Variants in CDH8 observed in about 807,000 individuals in gnomAD.
The protein encoded by CDH8 is cadherin 8.
Under a neutral mutation model 68.1 loss-of-function variants are expected in CDH8, and 17 were observed. The observed-to-expected ratio is 0.25, with a 90% CI of 0.17 to 0.37. CDH8 has a LOEUF of 0.37. Among genes scored for constraint, CDH8 ranks in the 10% least tolerant of loss-of-function variants. CDH8 has a pLI of 1.00. For synonymous variants in CDH8, 372 were observed against 365.1 expected, an observed-to-expected ratio of 1.02 and a Z score of -0.21; for missense variants, 763 against 999.3, an observed-to-expected ratio of 0.76 and a Z score of 3.19.
In CDH8 at chr16:62,021,445, TA is replaced by T; in HGVS notation, c.-43del. The stretch of plus-strand genomic sequence containing the variant: ...CAAATCACCACGAAAATGAGACAAT[TA>T]TTTTTTTTGTCTCCGGTCTGCAGCC... On this transcript the variant is annotated 5_prime_UTR_variant, in exon 2 of 12. An upstream open reading frame in the 5' UTR loses its in-frame stop. Coordinates refer to ENST00000577390, the MANE Select transcript of CDH8 (RefSeq NM_001796.5). 5.1e-6 allele frequency: 8 copies of T among 1,566,364 alleles called. No individual in the cohort carries two copies. Among genetic ancestry groups the T allele is most frequent in the African/African-American group, 1.4e-5 (1 of 73,328 alleles).
At chr16:61,874,378 T>C (rs777421016) in intron 3 of CDH8, among the ~76,000 whole-genome samples, 6 of 151,922 alleles carry the variant, frequency 3.9e-5, no homozygotes, top group Non-Finnish European at 8.8e-5. Context: ...ATCACCCAGG[T>C]TGGAGTGCAG....
intron 9 of CDH8, among the ~76,000 whole-genome samples, chr16:61,719,782 C>T (rs1959203311): frequency 6.6e-6 from 1 of 150,784 alleles, no homozygotes; most frequent in African/African-American, 2.4e-5. Flanking sequence ...ATTTTTCCAA[C>T]TGGGTCCCAT....
intron 8 of CDH8, among the ~76,000 whole-genome samples, chr16:61,734,252 G>A (rs957286116): frequency 6.6e-6 from 1 of 152,060 alleles, no homozygotes; most frequent in African/African-American, 2.4e-5. Context: ...TTGAACATTC[G>A]CAGTTGGAGT....
chr16:61,747,480 ACCC>A (rs1960052015), intron 8 of CDH8, among the ~76,000 whole-genome samples: 2 of 152,062 alleles, frequency 1.3e-5, no homozygotes, highest in Non-Finnish European at 2.9e-5. Flanking sequence ...CTAATCTTGG[ACCC>A]AGTATATCCA....
At chr16:62,015,725 G>A (rs1465212290) in intron 2 of CDH8, among the ~76,000 whole-genome samples, 1 of 152,006 alleles carries the variant, frequency 6.6e-6, no homozygotes. Flanking sequence ...AGGTAATTTG[G>A]TCATGAGGGT....
chr16:61,691,537 T>C (rs1964222774), intron 10 of CDH8, among the ~76,000 whole-genome samples: 1 of 151,966 alleles, frequency 6.6e-6, no homozygotes, highest in African/African-American at 2.4e-5. Context: ...TTGTGCCCTT[T>C]GAGAACCTCG....
At chr16:61,731,208 A>C (rs1233112182) in intron 8 of CDH8, among the ~76,000 whole-genome samples, 1 of 151,748 alleles carries the variant, frequency 6.6e-6, no homozygotes, top group Non-Finnish European at 1.5e-5. Context: ...GTTGCTATGA[A>C]AGACAAATGA....
At chr16:61,945,230 G>T (rs1220061345) in intron 2 of CDH8, among the ~76,000 whole-genome samples, 1 of 152,108 alleles carries the variant, frequency 6.6e-6, no homozygotes, top group Admixed American at 6.5e-5. Flanking sequence ...CCATACAACA[G>T]GGTCATTGTG....
chr16:61,827,348 T>C (rs1467895470), intron 4 of CDH8, among the ~76,000 whole-genome samples: 1 of 151,908 alleles, frequency 6.6e-6, no homozygotes, highest in Non-Finnish European at 1.5e-5. Flanking sequence ...AGCAAAATAA[T>C]GTTGTTCTCC....
chr16:61,870,174 T>C (rs1341788654), intron 3 of CDH8, among the ~76,000 whole-genome samples: 1 of 152,196 alleles, frequency 6.6e-6, no homozygotes, highest in Non-Finnish European at 1.5e-5. Context: ...CATCTTGTTT[T>C]TATCACAAAT....
intron 7 of CDH8, among the ~76,000 whole-genome samples, chr16:61,795,414 G>A (rs1352346623): frequency 6.6e-6 from 1 of 151,956 alleles, no homozygotes; most frequent in African/African-American, 2.4e-5. Flanking sequence ...ATCTCACCTG[G>A]GGGAATAACA....
At chr16:61,780,017 C>T (rs1439686198) in intron 8 of CDH8, among the ~76,000 whole-genome samples, 1 of 152,194 alleles carries the variant, frequency 6.6e-6, no homozygotes, top group African/African-American at 2.4e-5. Context: ...TCCTTGCCCT[C>T]TGTGAAATTT....
intron 3 of CDH8, among the ~76,000 whole-genome samples, chr16:61,892,763 T>C (rs1963800006): frequency 6.6e-6 from 1 of 152,014 alleles, no homozygotes; most frequent in Admixed American, 6.6e-5. Context: ...AGTAGATAAA[T>C]ACTTGTGGGG....
Position 61,780,934 on chromosome 16 carries a change from C to G in CDH8, c.1414+8412G>C, listed in dbSNP as rs1961034573. On this transcript the variant is annotated intron_variant, in intron 8 of 11. Coordinates refer to ENST00000577390, the MANE Select transcript of CDH8 (RefSeq NM_001796.5). ...AAAATTTAAAGCTCTCTTTTGTATT[C>G]TCATCCTTGTTTGTTCTAAGAAAGA... is the stretch of plus-strand genomic sequence containing the variant. Among the ~76,000 whole-genome samples, 4 of 152,274 alleles carry G rather than the reference C, an allele frequency of 2.6e-5. No individual in the cohort carries two copies. The South Asian group carries it at 8.3e-4, about 32-fold the overall frequency.
chr16:61,769,991 A>G (rs1318289293), intron 8 of CDH8, among the ~76,000 whole-genome samples: 7 of 151,982 alleles, frequency 4.6e-5, no homozygotes, highest in African/African-American at 1.7e-4. Context: ...TTGCCCATCT[A>G]TCACACTTAG....
At chr16:61,988,304 G>A (rs1000426715) in intron 2 of CDH8, among the ~76,000 whole-genome samples, 1 of 152,090 alleles carries the variant, frequency 6.6e-6, no homozygotes, top group South Asian at 2.1e-4. Flanking sequence ...ATTCTACAAA[G>A]GATTATCATC....
intron 10 of CDH8, among the ~76,000 whole-genome samples, chr16:61,658,174 A>G (rs1276903401): frequency 6.6e-6 from 1 of 151,994 alleles, no homozygotes; most frequent in Non-Finnish European, 1.5e-5. Flanking sequence ...TGAAATTGCC[A>G]TTATTTTACA....
At chr16:61,945,586 A>T (rs1964789363) in intron 2 of CDH8, among the ~76,000 whole-genome samples, 1 of 152,208 alleles carries the variant, frequency 6.6e-6, no homozygotes, top group Non-Finnish European at 1.5e-5. Flanking sequence ...TTTGCTTAAG[A>T]GTTAAGAACT....
intron 1 of CDH8, among the ~76,000 whole-genome samples, chr16:62,035,633 C>T (rs1902438302): frequency 6.6e-6 from 1 of 152,310 alleles, no homozygotes; most frequent in East Asian, 1.9e-4. Context: ...GGCCCCCTCG[C>T]CTCCTTTTTT....
Sources: allele counts gnomAD v4.1 joint callset (sites outside exome capture counted in the v4.1 genomes callset), GRCh38; gene constraint gnomAD v4.1.1; transcripts MANE v1.5; gene names NCBI Gene and HGNC (gene_info 2026-07-23, HGNC 2026-07-21).